Variants in SLCO4C1 observed in about 807,000 individuals in gnomAD.
SLCO4C1 encodes the protein solute carrier organic anion transporter family member 4C1.
A neutral mutation model predicts 72.1 loss-of-function variants in SLCO4C1; 58 were observed. The observed-to-expected ratio is 0.80, with a 90% confidence interval of 0.65 to 1.00. The LOEUF is 1.00. Ranked by LOEUF, SLCO4C1 falls within the 50% of genes least tolerant of loss-of-function variation. The pLI is 0.00. For synonymous variants in SLCO4C1, 297 were observed against 312.5 expected, an observed-to-expected ratio of 0.95 and a Z score of 0.52; for missense variants, 898 against 857.9, an observed-to-expected ratio of 1.05 and a Z score of -0.58.
chr5:102,291,344 T>C lies in SLCO4C1; in HGVS notation c.618A>G (p.Glu206=), dbSNP rs1749544305. 4 of 1,611,216 alleles carry C rather than the reference T, an allele frequency of 2.5e-6. No homozygotes were observed. The African/African-American group carries it at 4.0e-5, about 16-fold the overall frequency. ...SGEYKLGSLF[E]DTCVTTRNST... ...AACATAAACACAATAGAAACTTACC[T>C]TCAAAAAGAGACCCCAATTTATATT... is the stretch of plus-strand genomic sequence containing the variant. Residue 206 remains glutamate, a splice_region_variant and synonymous_variant, in exon 2 of 13, where the codon GAA becomes GAG. Coordinates refer to ENST00000310954, the MANE Select transcript of SLCO4C1 (RefSeq NM_180991.5).
Position 102,287,327 on chromosome 5 carries a change from G to A in SLCO4C1, c.619+4016C>T, listed in dbSNP as rs535327379. 1.0e-3 allele frequency among the ~76,000 whole-genome samples: 154 copies of A among 152,030 alleles called. 1 individual carries two copies. The highest frequency in any genetic ancestry group is 1.2e-4 in the Non-Finnish European group (8 of 67,978). On this transcript the variant is annotated intron_variant, in intron 2 of 12. Coordinates refer to ENST00000310954, the MANE Select transcript of SLCO4C1 (RefSeq NM_180991.5). ...CCACTGTACCTGACTACTAGAAGTT[G>A]GGGAAGAAATGCTTGAAATTCATAA...
intron 5 of SLCO4C1, among the ~76,000 whole-genome samples, 176 bp downstream of exon 5, chr5:102,261,735 TA>T (rs1277880923): frequency 6.6e-6 from 1 of 152,088 alleles, no homozygotes; most frequent in African/African-American, 2.4e-5. Context: ...ACATGAATAT[TA>T]AGATTGTTAC....
chr5:102,244,774 T>C (rs1748607468), intron 10 of SLCO4C1, among the ~76,000 whole-genome samples: 1 of 152,140 alleles, frequency 6.6e-6, no homozygotes. Flanking sequence ...AACTCTTACC[T>C]TAGAATAGTA....
chr5:102,278,118 C>G (rs1055422962), intron 2 of SLCO4C1, among the ~76,000 whole-genome samples: 31 of 152,012 alleles, frequency 2.0e-4, no homozygotes, highest in African/African-American at 7.2e-4. Flanking sequence ...AAGAAATTCA[C>G]TTCAAATGCA....
chr5:102,253,769 C>T (rs1237243400), intron 8 of SLCO4C1, among the ~76,000 whole-genome samples: 3 of 150,850 alleles, frequency 2.0e-5, no homozygotes, highest in Non-Finnish European at 4.4e-5. Flanking sequence ...CGTGCCACTA[C>T]ACTCCAGCCT....
intron 9 of SLCO4C1, 26 bp from the exon 10 acceptor site, chr5:102,247,468 T>C: frequency 7.2e-7 from 1 of 1,391,682 alleles, no homozygotes; most frequent in Non-Finnish European, 9.8e-7. Context: ...ATAAAAACAA[T>C]GAAAGTGATC....
chr5:102,244,443 G>C (rs532277715), intron 10 of SLCO4C1, among the ~76,000 whole-genome samples: 1 of 152,026 alleles, frequency 6.6e-6, no homozygotes, highest in Non-Finnish European at 1.5e-5. Flanking sequence ...ATAAAGAAGA[G>C]GTAGAGAAAA....
At chr5:102,239,211 C>A in intron 12 of SLCO4C1, 40 bp downstream of exon 12, 1 of 1,496,624 alleles carries the variant, frequency 6.7e-7, no homozygotes, top group Non-Finnish European at 8.9e-7. Flanking sequence ...TTTTTTACAT[C>A]CTTAGTTTAC....
chr5:102,253,698 G>A (rs548753759), intron 8 of SLCO4C1, among the ~76,000 whole-genome samples: 1 of 151,812 alleles, frequency 6.6e-6, no homozygotes, highest in Non-Finnish European at 1.5e-5. Context: ...CCAGCTACTC[G>A]GGAGGCTGAG....
intron 2 of SLCO4C1, among the ~76,000 whole-genome samples, chr5:102,279,714 T>G (rs1038683681): frequency 6.6e-6 from 1 of 151,858 alleles, no homozygotes; most frequent in Non-Finnish European, 1.5e-5. Context: ...ATCCAAAGAA[T>G]TGTACACCAT....
At chr5:102,273,903 T>C (rs1490651982) in intron 2 of SLCO4C1, among the ~76,000 whole-genome samples, 1 of 152,156 alleles carries the variant, frequency 6.6e-6, no homozygotes, top group East Asian at 1.9e-4. Flanking sequence ...AAACAATTTC[T>C]GACCAAATAC....
intron 2 of SLCO4C1, among the ~76,000 whole-genome samples, chr5:102,286,141 TA>T (rs900435564): frequency 1.3e-4 from 19 of 148,706 alleles, no homozygotes; most frequent in East Asian, 1.2e-3. Context: ...CAAATGCCAA[TA>T]AAAAAAAAAT....
intron 8 of SLCO4C1, among the ~76,000 whole-genome samples, chr5:102,253,064 C>T (rs1325480818): frequency 2.6e-5 from 4 of 152,044 alleles, no homozygotes; most frequent in African/African-American, 9.7e-5. Context: ...CTTTAAGATG[C>T]TATTTCATAT....
intron 12 of SLCO4C1, 138 bp downstream of exon 12, chr5:102,239,113 T>C: frequency 1.5e-6 from 1 of 657,110 alleles, no homozygotes; most frequent in Non-Finnish European, 2.3e-6. Context: ...TGTTCTCTGC[T>C]TCAGGAAGAC....
At chr5:102,288,093 G>A (rs557791766) in intron 2 of SLCO4C1, among the ~76,000 whole-genome samples, 3 of 152,062 alleles carry the variant, frequency 2.0e-5, no homozygotes, top group Non-Finnish European at 4.4e-5. Flanking sequence ...CTGAAAGTCA[G>A]TGTGACATTA....
intron 1 of SLCO4C1, among the ~76,000 whole-genome samples, chr5:102,293,153 A>C (rs960513909): frequency 2.0e-5 from 3 of 152,152 alleles, no homozygotes; most frequent in Admixed American, 6.5e-5. Context: ...ATAAGACTAT[A>C]AGCCAATTTA....
chr5:102,287,599 C>A (rs1321249497), intron 2 of SLCO4C1, among the ~76,000 whole-genome samples: 2 of 134,226 alleles, frequency 1.5e-5, no homozygotes, highest in Non-Finnish European at 3.0e-5. Flanking sequence ...GGATGGAGTG[C>A]AATGGTACGG....
chr5:102,280,090 C>CAAAAAAAAAAAAAAAAAAAA (rs36217271), intron 2 of SLCO4C1, among the ~76,000 whole-genome samples: 4 of 68,858 alleles, frequency 5.8e-5, no homozygotes, highest in African/African-American at 6.0e-5. Context: ...TGCAATAAGG[C>CAAAAAAAAAAAAAAAAAAAA]AAAAAAAAAA....
rs114390501 is a variant in SLCO4C1 at position 102,277,725 on chromosome 5, C to T, written c.620-6919G>A. Among the ~76,000 whole-genome samples the T allele has an allele frequency of 9.8e-3, 1,495 of 151,798 alleles. 20 individuals are homozygous for T. Among genetic ancestry groups the T allele is most frequent in the African/African-American group, 0.034 (1,413 of 41,330 alleles). On this transcript the variant is annotated intron_variant, in intron 2 of 12. Transcript: ENST00000310954. The stretch of plus-strand genomic sequence containing the variant: ...GCCTCACCCACCCCCACCTCAAAGC[C>T]ATCAGAACAGCGTCAAGTAGTTAAG...
Sources: gnomAD v4.1 joint callset for allele counts (sites outside exome capture counted in the v4.1 genomes callset) on GRCh38, gnomAD v4.1.1 for gene constraint, MANE v1.5 for transcripts, NCBI Gene and HGNC (gene_info 2026-07-23, HGNC 2026-07-21) for gene names.